Variants in USP15 observed in about 807,000 individuals in gnomAD.
The protein encoded by USP15 is ubiquitin carboxyl-terminal hydrolase 15.
USP15 carries 18 observed loss-of-function variants against 127.1 expected under a neutral mutation model. The ratio of observed to expected loss-of-function variants is 0.14; its 90% CI spans 0.10 to 0.21. The LOEUF is 0.21. Among genes scored for constraint, USP15 ranks in the 10% least tolerant of loss-of-function variants. The probability of loss-of-function intolerance (pLI) is 1.00; values close to 1 mark genes in which losing one functional copy is unlikely to be tolerated. For missense variants in USP15, 805 were observed against 1,159.9 expected (o/e 0.69, Z 4.44); for synonymous variants, 364 against 393.7 (o/e 0.92, Z 0.89).
At chr12:62,400,310 G>A (rs947963325) in intron 20 of USP15, among the ~76,000 whole-genome samples, 6 of 152,042 alleles carry the variant, frequency 3.9e-5, no homozygotes, top group African/African-American at 9.7e-5. Context: ...TACCACAGAT[G>A]TTCAAATTCC....
intron 6 of USP15, among the ~76,000 whole-genome samples, chr12:62,329,356 G>A (rs961498763): frequency 6.6e-6 from 1 of 152,184 alleles, no homozygotes; most frequent in Non-Finnish European, 1.5e-5. Context: ...CGGTGACACA[G>A]TGAGACTCTA....
chr12:62,269,148 G>A (rs1437394710), intron 1 of USP15, among the ~76,000 whole-genome samples: 2 of 152,008 alleles, frequency 1.3e-5, no homozygotes, highest in African/African-American at 2.4e-5. Context: ...TCTGAGAAAT[G>A]TATGGTTAGG....
intron 6 of USP15, among the ~76,000 whole-genome samples, chr12:62,331,492 A>T (rs2065299481): frequency 6.6e-6 from 1 of 152,224 alleles, no homozygotes; most frequent in South Asian, 2.1e-4. Flanking sequence ...TAGTTAGCCA[A>T]GGAATTTGCA....
intron 1 of USP15, among the ~76,000 whole-genome samples, chr12:62,261,110 G>T (rs2063041699): frequency 6.6e-6 from 1 of 152,138 alleles, no homozygotes; most frequent in African/African-American, 2.4e-5. Flanking sequence ...GCTTATGAGA[G>T]ACCACGTGGT....
At chr12:62,316,134 A>T (rs1459810842) in intron 4 of USP15, among the ~76,000 whole-genome samples, 1 of 151,946 alleles carries the variant, frequency 6.6e-6, no homozygotes, top group Non-Finnish European at 1.5e-5. Context: ...AAAGTACAAA[A>T]ATTAGCCGGG....
rs2067877984 is a variant in USP15, at chr12:62,406,720, G to A, written c.*2345G>A. 2 of 152,398 alleles carry A rather than the reference G, an allele frequency of 1.3e-5. No individual in the cohort carries two copies. Among genetic ancestry groups the A allele is most frequent in the Non-Finnish European group, 1.5e-5 (1 of 68,208 alleles). The allele number at this position is 152,398 out of a possible 1,614,324, so 9.4% of individuals were successfully genotyped here. On this transcript the variant is annotated 3_prime_UTR_variant, in exon 22 of 22. Transcript: ENST00000280377. ...CATGCCTGTAATCCCAGCACTTTGGGAGACTCAGGCGGGAGGATCACTTGA... is the reference window on the plus strand; with the variant it reads ...CATGCCTGTAATCCCAGCACTTTGGAAGACTCAGGCGGGAGGATCACTTGA...
intron 1 of USP15, among the ~76,000 whole-genome samples, chr12:62,286,762 A>G (rs1222723410): frequency 6.6e-6 from 1 of 151,790 alleles, no homozygotes; most frequent in Non-Finnish European, 1.5e-5. Flanking sequence ...ACATGGTAAA[A>G]CCCCGTCTCT....
chr12:62,380,913 C>G (rs191595620), intron 8 of USP15, among the ~76,000 whole-genome samples: 1 of 148,396 alleles, frequency 6.7e-6, no homozygotes, highest in East Asian at 1.9e-4. Flanking sequence ...AATTAAAGAG[C>G]TGGAAGTGAG....
intron 8 of USP15, among the ~76,000 whole-genome samples, chr12:62,370,813 A>G (rs950648946): frequency 6.6e-6 from 1 of 152,170 alleles, no homozygotes; most frequent in African/African-American, 2.4e-5. Context: ...CATTCCTGCC[A>G]AGTTAAACTA....
intron 6 of USP15, among the ~76,000 whole-genome samples, chr12:62,342,965 T>G (rs967397261): frequency 1.3e-5 from 2 of 152,174 alleles, no homozygotes; most frequent in African/African-American, 2.4e-5. Context: ...TCAGCTGCTC[T>G]CTTCAGAGCC....
At chr12:62,355,081 A>G (rs17717132) in intron 7 of USP15, 26,932 of 265,488 alleles carry the variant, frequency 0.1, 1,503 homozygotes, top group Middle Eastern at 0.16. Context: ...AAAGGTAGGA[A>G]GATATAATAG....
intron 11 of USP15, among the ~76,000 whole-genome samples, chr12:62,387,908 C>T (rs903135313): frequency 2.6e-5 from 4 of 152,174 alleles, no homozygotes; most frequent in African/African-American, 7.2e-5. Flanking sequence ...AGAACATAGA[C>T]GCTAAGGTTA....
chr12:62,380,282 G>A lies in USP15; in HGVS notation c.916-1208G>A, dbSNP rs114258057. On this transcript the variant is annotated intron_variant, in intron 8 of 21. Coordinates refer to ENST00000280377, the MANE Select transcript of USP15 (RefSeq NM_001252078.2). The stretch of plus-strand genomic sequence containing the variant: ...TATTATTGACTACTTCAGTAAACAT[G>A]TTGATTTATAATTGAAACCACAAAA... 1.7e-3 allele frequency among the ~76,000 whole-genome samples: 253 copies of A among 151,912 alleles called. 1 individual carries two copies. Among genetic ancestry groups the A allele is most frequent in the African/African-American group, 5.8e-3 (240 of 41,500 alleles).
rs1441553955 is a variant in USP15 at position 62,413,473 on chromosome 12, A to G, written c.*9098A>G. The G allele has an allele frequency of 3.9e-5, 6 of 152,190 alleles. No homozygotes were observed. The highest frequency in any genetic ancestry group is 1.4e-4 in the African/African-American group (6 of 41,444). The allele number at this position is 152,190 out of a possible 1,614,324, so 9.4% of individuals were successfully genotyped here. A position where few individuals can be genotyped will look rare whatever the true frequency, so the allele number is the denominator to read the frequency against. ...TGTTTTTAGTGTAACTACCTTCATC[A>G]ATGATCTTAGCTAGATCTTCTGGAT... On this transcript the variant is annotated 3_prime_UTR_variant, in exon 22 of 22. Coordinates refer to ENST00000280377, the MANE Select transcript of USP15 (RefSeq NM_001252078.2).
At chr12:62,304,767 C>T (rs535625765) in intron 3 of USP15, 1 of 440,748 alleles carries the variant, frequency 2.3e-6, no homozygotes, top group East Asian at 7.2e-5. Flanking sequence ...ACAATAGAAA[C>T]AGACCCATAA....
At chr12:62,309,837 T>C (rs1400242553) in intron 3 of USP15, among the ~76,000 whole-genome samples, 1 of 151,356 alleles carries the variant, frequency 6.6e-6, no homozygotes, top group Non-Finnish European at 1.5e-5. Flanking sequence ...CCATGTATGA[T>C]CTTAAAAAAA....
At position 62,391,288 on chromosome 12, in the gene USP15, G is replaced by A; in HGVS notation, c.2092G>A (p.Asp698Asn). 1.2e-6 allele frequency: 2 copies of A among 1,613,576 alleles called. No homozygotes were observed. The highest frequency in any genetic ancestry group is 8.5e-7 in the Non-Finnish European group (1 of 1,179,704). Reference sequence around the variant, plus strand: ...TTCTGAAAATGGATTATGTACTGAGGATACTTGCAAAGGTCAACTCACGGG... The same window carrying A: ...TTCTGAAAATGGATTATGTACTGAGAATACTTGCAAAGGTCAACTCACGGG... ...NDSENGLCTE[D>N]TCKGQLTGHK... Residue 698 changes from aspartate (D) to asparagine (N), a missense_variant, in exon 16 of 22, where the codon GAT becomes AAT. This residue lies in a region of USP15 where 225 missense variants were observed against 239.5 expected (regional missense o/e 0.94). Coordinates refer to ENST00000280377, the MANE Select transcript of USP15 (RefSeq NM_001252078.2).
At chr12:62,336,461 G>A (rs773477688) in intron 6 of USP15, 245 of 985,214 alleles carry the variant, frequency 2.5e-4, no homozygotes, top group Non-Finnish European at 2.8e-4. Flanking sequence ...TGCAGATTCT[G>A]CCTCCTCACC....
chr12:62,338,597 T>G (rs1232416950), intron 6 of USP15, among the ~76,000 whole-genome samples: 1 of 152,204 alleles, frequency 6.6e-6, no homozygotes. Flanking sequence ...TTCTAGGTTT[T>G]TATGGTTTTG....
Sources: gnomAD v4.1 joint callset for allele counts (sites outside exome capture counted in the v4.1 genomes callset) on GRCh38, gnomAD v4.1.1 for gene constraint, gnomAD v4.1.1 regional missense constraint, MANE v1.5 for transcripts, NCBI Gene and HGNC (gene_info 2026-07-23, HGNC 2026-07-21) for gene names.